CSMD3: variants seen among roughly 807,000 people sequenced by gnomAD.
CSMD3 encodes the protein CUB and sushi domain-containing protein 3.
In CSMD3, 177 loss-of-function variants were observed where a neutral mutation model predicts 435.2. That is an observed-to-expected ratio of 0.41 (90% confidence interval 0.36 to 0.46). CSMD3 has a LOEUF of 0.46. Among genes scored for constraint, CSMD3 ranks in the 20% least tolerant of loss-of-function variants. The probability of loss-of-function intolerance (pLI) is 0.34; values close to 1 mark genes in which losing one functional copy is unlikely to be tolerated. For missense variants in CSMD3, 4,265 were observed against 4,504.6 expected (o/e 0.95, Z 1.52); for synonymous variants, 1,656 against 1,520.5 (o/e 1.09, Z -2.07).
At chr8:113,355,435 A>G in intron 1 of CSMD3, among the ~76,000 whole-genome samples, 1 of 152,020 alleles carries the variant, frequency 6.6e-6, no homozygotes, top group Admixed American at 6.6e-5. Context: ...GATGCCAGAA[A>G]ATTCAGTGTC....
intron 32 of CSMD3, among the ~76,000 whole-genome samples, chr8:112,458,259 G>C (rs1468572806): frequency 7.8e-6 from 1 of 128,858 alleles, no homozygotes. Context: ...TATCCATATT[G>C]GCTTATTAAA....
At chr8:113,214,903 G>A (rs1179906864) in intron 3 of CSMD3, among the ~76,000 whole-genome samples, 1 of 151,776 alleles carries the variant, frequency 6.6e-6, no homozygotes, top group African/African-American at 2.4e-5. Context: ...AGTACCCATA[G>A]CTTTGAAATA....
intron 17 of CSMD3, among the ~76,000 whole-genome samples, chr8:112,662,649 C>A (rs1344465545): frequency 6.6e-6 from 1 of 152,112 alleles, no homozygotes; most frequent in Non-Finnish European, 1.5e-5. Context: ...AAAGCAATGG[C>A]AACAAAAGCC....
At chr8:112,510,539 A>G (rs1352512673) in intron 28 of CSMD3, among the ~76,000 whole-genome samples, 1 of 152,132 alleles carries the variant, frequency 6.6e-6, no homozygotes, top group Non-Finnish European at 1.5e-5. Context: ...TTTCCTGTAG[A>G]CCCCAGAATG....
intron 4 of CSMD3, among the ~76,000 whole-genome samples, chr8:113,169,144 A>G (rs2092220280): frequency 6.6e-6 from 1 of 152,192 alleles, no homozygotes; most frequent in African/African-American, 2.4e-5. Flanking sequence ...GCAGGAGAAT[A>G]ATATAATATG....
At chr8:113,368,662 A>G (rs2133038852) in intron 1 of CSMD3, among the ~76,000 whole-genome samples, 1 of 152,242 alleles carries the variant, frequency 6.6e-6, no homozygotes, top group Middle Eastern at 3.4e-3. Context: ...CAGCAATAAC[A>G]TTGGCAAAGC....
intron 2 of CSMD3, among the ~76,000 whole-genome samples, chr8:113,305,058 A>C (rs1276124051): frequency 1.3e-5 from 2 of 150,048 alleles, no homozygotes; most frequent in Non-Finnish European, 1.5e-5. Flanking sequence ...AGAACAAAAA[A>C]CCAGACACCG....
At chr8:112,555,256 C>T (rs965660866) in intron 25 of CSMD3, among the ~76,000 whole-genome samples, 1 of 151,992 alleles carries the variant, frequency 6.6e-6, no homozygotes, top group African/African-American at 2.4e-5. Context: ...TTGTATAAAA[C>T]CTTTCCAAAA....
intron 38 of CSMD3, among the ~76,000 whole-genome samples, chr8:112,363,199 C>T (rs183970818): frequency 6.6e-6 from 1 of 151,974 alleles, no homozygotes; most frequent in East Asian, 1.9e-4. Context: ...AGTGACTTCA[C>T]AGTCATATTA....
Position 112,408,929 on chromosome 8 carries a change from T to C in CSMD3, c.5499A>G (p.Gly1833=). ...TCTATTAAAGGATACCTGAATGGGA[T>C]CCTGAGAGGGAAGATAACAGAGAAG... ...QQSSLLSSLS[G]SHSGESLPLS... Residue 1833 remains glycine (G), a synonymous_variant, in exon 33 of 71, where the codon GGA becomes GGG. Coordinates refer to ENST00000297405, the MANE Select transcript of CSMD3 (RefSeq NM_198123.2). The C allele has an allele frequency of 6.2e-7, 1 of 1,613,514 alleles. No individual in the cohort carries two copies. Among genetic ancestry groups the C allele is most frequent in the Non-Finnish European group, 8.5e-7 (1 of 1,179,598 alleles).
chr8:112,405,646 A>G (rs1010869997), intron 35 of CSMD3, among the ~76,000 whole-genome samples: 3 of 151,958 alleles, frequency 2.0e-5, no homozygotes, highest in Non-Finnish European at 2.9e-5. Flanking sequence ...TATGCATTTT[A>G]CTCATTCAAA....
chr8:113,131,443 G>C (rs1407799020), intron 4 of CSMD3, among the ~76,000 whole-genome samples: 2 of 152,046 alleles, frequency 1.3e-5, no homozygotes, highest in Non-Finnish European at 2.9e-5. Flanking sequence ...AGCTTGAATT[G>C]TTGCTTCAGA....
At chr8:112,760,825 T>C (rs1368515767) in intron 13 of CSMD3, among the ~76,000 whole-genome samples, 1 of 152,146 alleles carries the variant, frequency 6.6e-6, no homozygotes, top group African/African-American at 2.4e-5. Flanking sequence ...CCAGCAGATC[T>C]GCAAGGGTTT....
At chr8:112,298,066 C>CAAAAAAAAAAAAAAAAAAAAAAAAAAAA (rs35232021) in intron 53 of CSMD3, among the ~76,000 whole-genome samples, 1 of 93,588 alleles carries the variant, frequency 1.1e-5, no homozygotes, top group Non-Finnish European at 2.2e-5. Flanking sequence ...TGCCATTGCA[C>CAAAAAAAAAAAAAAAAAAAAAAAAAAAA]AAAAAAAAAA....
Position 113,259,399 on chromosome 8 carries a change from C to T in CSMD3, c.514+19193G>A. On this transcript the variant is annotated intron_variant, in intron 3 of 70. Coordinates refer to ENST00000297405, the MANE Select transcript of CSMD3 (RefSeq NM_198123.2). ...AGGCAGAAACATGAGTGAGTCCATA[C>T]AAGATCACCAGAATAACAGCCAATC... Among the ~76,000 whole-genome samples the T allele has an allele frequency of 1.3e-5, 2 of 152,168 alleles. 1 individual carries two copies. The highest frequency in any genetic ancestry group is 4.1e-4 in the South Asian group (2 of 4,826).
chr8:113,078,172 T>G (rs1322288660), intron 5 of CSMD3, among the ~76,000 whole-genome samples: 1 of 152,224 alleles, frequency 6.6e-6, no homozygotes, highest in African/African-American at 2.4e-5. Context: ...GAATGTCATT[T>G]ATGCAGACTA....
rs116918309 is a variant in CSMD3, at chr8:112,512,517, G to T, written c.4756+4517C>A. On this transcript the variant is annotated intron_variant, in intron 28 of 70. Coordinates refer to ENST00000297405, the MANE Select transcript of CSMD3 (RefSeq NM_198123.2). The stretch of plus-strand genomic sequence containing the variant: ...AATCATCTTTTTTTCTGAACAGTAG[G>T]TCTCAACAATGGGCTTAAAATATTC... Among the ~76,000 whole-genome samples the T allele has an allele frequency of 1.1e-3, 170 of 152,240 alleles. 1 individual carries two copies. Among genetic ancestry groups the T allele is most frequent in the Non-Finnish European group, 1.8e-3 (121 of 68,010 alleles).
chr8:113,028,526 C>A (rs2086962173), intron 5 of CSMD3, among the ~76,000 whole-genome samples: 1 of 151,324 alleles, frequency 6.6e-6, no homozygotes, highest in Admixed American at 6.6e-5. Flanking sequence ...GCCAAATTAG[C>A]CAAGTTGTGA....
chr8:113,085,495 C>T (rs1251737564), intron 5 of CSMD3, among the ~76,000 whole-genome samples: 3 of 152,110 alleles, frequency 2.0e-5, no homozygotes, highest in African/African-American at 7.2e-5. Context: ...TACTGCAGCA[C>T]TATTCACAGT....
Sources: gnomAD v4.1 joint callset for allele counts (sites outside exome capture counted in the v4.1 genomes callset) on GRCh38, gnomAD v4.1.1 for gene constraint, MANE v1.5 for transcripts, NCBI Gene and HGNC (gene_info 2026-07-23, HGNC 2026-07-21) for gene names.